Variants in CBR3 observed in about 807,000 individuals in gnomAD.
The protein encoded by CBR3 is carbonyl reductase [NADPH] 3.
CBR3 carries 14 observed loss-of-function variants against 11.6 expected under a neutral mutation model. The ratio of observed to expected loss-of-function variants is 1.20; its 90% CI spans 0.79 to 1.88. The LOEUF is 1.88. Among genes scored for constraint, CBR3 ranks in the 40% most tolerant of loss-of-function variants. The pLI is 0.00. For synonymous variants in CBR3, 125 were observed against 145.6 expected (o/e 0.86, Z 1.02); for missense variants, 308 against 357.3 (o/e 0.86, Z 1.11).
chr21:36,143,739 G>A (rs1232744307), intron 2 of CBR3, among the ~76,000 whole-genome samples: 2 of 152,026 alleles, frequency 1.3e-5, no homozygotes, highest in African/African-American at 4.8e-5. Flanking sequence ...AATTATTTGA[G>A]TGCAGTGGTG....
At chr21:36,146,033 T>G (rs1171282806) in intron 2 of CBR3, 43 bp from the exon 3 acceptor site, 1 of 1,328,740 alleles carries the variant, frequency 7.5e-7, no homozygotes, top group African/African-American at 1.4e-5. Flanking sequence ...CCAGTGGTTG[T>G]ACCTCTGTGA....
At chr21:36,138,018 ATCAC>A in intron 2 of CBR3, 86 bp downstream of exon 2, 1 of 746,330 alleles carries the variant, frequency 1.3e-6, no homozygotes, top group Non-Finnish European at 2.4e-6. Flanking sequence ...CCCTGCAGAA[ATCAC>A]TCAGGGGTGC....
At chr21:36,145,987 ACC>A in intron 2 of CBR3, 87 bp from the exon 3 acceptor site, 1 of 752,224 alleles carries the variant, frequency 1.3e-6, no homozygotes, top group South Asian at 1.9e-5. Flanking sequence ...AAAAACCTGC[ACC>A]AAGACTCAAT....
At chr21:36,145,633 T>C (rs1178072992) in intron 2 of CBR3, among the ~76,000 whole-genome samples, 1 of 151,636 alleles carries the variant, frequency 6.6e-6, no homozygotes, top group Non-Finnish European at 1.5e-5. Context: ...AGCCACAGCA[T>C]CCAGCCACTT....
intron 2 of CBR3, chr21:36,138,825 A>G (rs954758549): frequency 7.5e-6 from 1 of 133,476 alleles, no homozygotes; most frequent in South Asian, 2.3e-4. Context: ...GGCTCACTGT[A>G]GTCTCCGCCT....
chr21:36,135,554 C>T, intron 1 of CBR3, 73 bp downstream of exon 1: 1 of 1,398,114 alleles, frequency 7.2e-7, no homozygotes, highest in Non-Finnish European at 9.6e-7. Flanking sequence ...GCAGGCTCCC[C>T]ACCCGTCCAC....
At chr21:36,139,382 CT>C (rs35931656) in intron 2 of CBR3, among the ~76,000 whole-genome samples, 11,244 of 126,566 alleles carry the variant, frequency 0.089, 977 homozygotes, top group African/African-American at 0.26. Context: ...CTTGCTTTTT[CT>C]TTTTTTTTTT....
In CBR3 at chr21:36,141,180, T is replaced by C. The variant is rs865843724; in HGVS notation, c.397+3248T>C. 8.6e-5 allele frequency among the ~76,000 whole-genome samples: 13 copies of C among 150,568 alleles called. No homozygotes were observed. In the South Asian group the frequency reaches 1.3e-3, roughly 15 times the overall value. ...GAGAGACTGAGGTGGGAGGATCGCT[T>C]GGGCCCAGGAGGTTGAGGCTGCAGT... is the stretch of plus-strand genomic sequence containing the variant. On this transcript the variant is annotated intron_variant, in intron 2 of 2. Coordinates refer to ENST00000290354, the MANE Select transcript of CBR3 (RefSeq NM_001236.4).
intron 1 of CBR3, among the ~76,000 whole-genome samples, chr21:36,137,546 GGAAGGAAGGAAGGAAA>G (rs2065670773): frequency 1.4e-5 from 1 of 71,710 alleles, no homozygotes; most frequent in African/African-American, 5.9e-5. Flanking sequence ...AAGGAAGGAA[GGAAGGAAGGAAGGAAA>G]GAAAATGCAA....
chr21:36,139,881 C>CTTTTTTT (rs10689993), intron 2 of CBR3, among the ~76,000 whole-genome samples: 39 of 89,864 alleles, frequency 4.3e-4, no homozygotes, highest in Admixed American at 4.9e-4. Flanking sequence ...GATGCAAAAC[C>CTTTTTTT]TTTTTTTTTT....
chr21:36,137,815 T>G lies in CBR3; in HGVS notation c.290-10T>G, dbSNP rs1396353769. On this transcript the variant is annotated splice_polypyrimidine_tract_variant and intron_variant, in intron 1 of 2. Transcript: ENST00000290354. ...ATGACTTTCTTTTTGTTTCTTTCTC[T>G]TTTTGAAAGGTGATGATCCAATGCC... 6.5e-7 allele frequency: 1 copy of G among 1,530,340 alleles called. No homozygotes were observed. Among genetic ancestry groups the G allele is most frequent in the Non-Finnish European group, 9.0e-7 (1 of 1,105,260 alleles). 94.8% of individuals were successfully genotyped at this position (1,530,340 alleles called of 1,614,324 possible).
At chr21:36,135,619 T>C in intron 1 of CBR3, 138 bp downstream of exon 1, 1 of 787,770 alleles carries the variant, frequency 1.3e-6, no homozygotes, top group Non-Finnish European at 1.9e-6. Context: ...AGCCCACGCC[T>C]CCCGCGAGGC....
chr21:36,146,137 T>A lies in CBR3; in HGVS notation c.459T>A (p.Asp153Glu). Residue 153 changes from aspartate (D) to glutamate (E), a missense_variant, in exon 3 of 3, where the codon GAT (aspartate) becomes GAA (glutamate). Transcript: ENST00000290354. ...GGGCTTTTGAAAACTGCAGTGAAGA[T>A]CTGCAGGAAAGGTTCCACAGTGAGA... ...CLRAFENCSE[D>E]LQERFHSETL... 6.2e-7 allele frequency: 1 copy of A among 1,613,640 alleles called. No individual in the cohort carries two copies. Among genetic ancestry groups the A allele is most frequent in the Non-Finnish European group, 8.5e-7 (1 of 1,179,696 alleles).
rs769675099 is a variant in CBR3, at chr21:36,135,490, A to G, written c.289+9A>G. 8.7e-6 allele frequency: 14 copies of G among 1,601,038 alleles called. No individual in the cohort carries two copies. The Admixed American group carries it at 2.2e-4, about 25-fold the overall frequency. On this transcript the variant is annotated intron_variant, in intron 1 of 2. Transcript: ENST00000290354. ...GGCCGTCGCCTTCAAGAGTAGGTGC[A>G]GGGCTTGGGTTGGGGCCCCCTGGAG... is the stretch of plus-strand genomic sequence containing the variant.
At chr21:36,135,865 T>C (rs1237542135) in intron 1 of CBR3, among the ~76,000 whole-genome samples, 1 of 152,236 alleles carries the variant, frequency 6.6e-6, no homozygotes, top group Non-Finnish European at 1.5e-5. Flanking sequence ...CTCCGCTCGC[T>C]TTGGGCTTTC....
chr21:36,137,711 G>C (rs2065672476), intron 1 of CBR3, 114 bp from the exon 2 acceptor site: 2 of 663,774 alleles, frequency 3.0e-6, no homozygotes, highest in Non-Finnish European at 5.3e-6. Context: ...CTTAAAAATT[G>C]TTTTAAAATT....
intron 2 of CBR3, among the ~76,000 whole-genome samples, chr21:36,144,294 T>C (rs2065737593): frequency 6.6e-6 from 1 of 151,790 alleles, no homozygotes; most frequent in South Asian, 2.1e-4. Flanking sequence ...TCATCTCTAC[T>C]AAAAAAATAC....
At chr21:36,141,533 T>C (rs1347144790) in intron 2 of CBR3, 1 of 152,176 alleles carries the variant, frequency 6.6e-6, no homozygotes, top group Non-Finnish European at 1.5e-5. Context: ...AGTCAGTAAG[T>C]CCTAAGTGGA....
intron 2 of CBR3, chr21:36,138,635 ATC>A (rs2065681567): frequency 6.6e-6 from 1 of 151,784 alleles, no homozygotes; most frequent in South Asian, 2.1e-4. Context: ...GGACCTTGGT[ATC>A]TGTTTTAGCA....
Sources: gnomAD v4.1 joint callset for allele counts (sites outside exome capture counted in the v4.1 genomes callset) on GRCh38, gnomAD v4.1.1 for gene constraint, MANE v1.5 for transcripts, NCBI Gene and HGNC (gene_info 2026-07-23, HGNC 2026-07-21) for gene names.